The following ERP44 variants were observed in gnomAD, a reference collection of about 807,000 sequenced individuals.
ERP44 encodes the protein endoplasmic reticulum resident protein 44.
Under a neutral mutation model 53.4 loss-of-function variants are expected in ERP44, and 25 were observed. The ratio of observed to expected loss-of-function variants is 0.47; its 90% CI spans 0.34 to 0.65. ERP44 has a LOEUF of 0.65. Among genes scored for constraint, ERP44 ranks in the 30% least tolerant of loss-of-function variants. ERP44 has a pLI of 0.01. For missense variants in ERP44, 338 were observed against 493.2 expected (o/e 0.69, Z 2.98); for synonymous variants, 145 against 161.2 (o/e 0.90, Z 0.76).
At chr9:100,019,555 A>C (rs4742779) in intron 6 of ERP44, among the ~76,000 whole-genome samples, 69,089 of 151,880 alleles carry the variant, frequency 0.45, 17,253 homozygotes, top group East Asian at 0.9. Flanking sequence ...TGAGCCAATG[A>C]AAAGAGAAAT....
intron 1 of ERP44, among the ~76,000 whole-genome samples, chr9:100,090,247 A>G (rs1379731628): frequency 2.0e-5 from 3 of 152,216 alleles, no homozygotes; most frequent in African/African-American, 7.2e-5. Flanking sequence ...ATCACTGGCT[A>G]GCTGACATTT....
chr9:100,042,368 C>T (rs1825914077), intron 4 of ERP44, among the ~76,000 whole-genome samples: 3 of 152,182 alleles, frequency 2.0e-5, no homozygotes, highest in South Asian at 4.1e-4. Context: ...GATACTATCT[C>T]ACCCCAGTTA....
rs35674225 is a variant in ERP44 at position 100,024,152 on chromosome 9, TCAACAACAACAACAACAACAA to T, written c.287-1947_287-1927del. On this transcript the variant is annotated intron_variant, in intron 4 of 11. Transcript: ENST00000262455. ...CTGGGTGACAGAGTGAAACCCTGAC[TCAACAACAACAACAACAACAA>T]CAACAACAACAACAACAACAAAGTT... 4.3e-3 allele frequency among the ~76,000 whole-genome samples: 645 copies of T among 149,442 alleles called. 5 individuals carry two copies. Among genetic ancestry groups the T allele is most frequent in the African/African-American group, 0.015 (598 of 40,238 alleles).
intron 2 of ERP44, 47 bp downstream of exon 2, chr9:100,060,053 C>T: frequency 7.5e-7 from 1 of 1,327,560 alleles, no homozygotes; most frequent in Non-Finnish European, 9.8e-7. Flanking sequence ...TAAACTAACT[C>T]TCTATAGAGA....
At chr9:100,083,166 C>T (rs1826445987) in intron 1 of ERP44, among the ~76,000 whole-genome samples, 1 of 151,056 alleles carries the variant, frequency 6.6e-6, no homozygotes, top group Admixed American at 6.6e-5. Flanking sequence ...AGACAACATC[C>T]CAATAAAAAA....
intron 2 of ERP44, among the ~76,000 whole-genome samples, chr9:100,058,669 T>C (rs959825486): frequency 2.6e-5 from 4 of 152,204 alleles, no homozygotes; most frequent in African/African-American, 4.8e-5. Flanking sequence ...ATTTAAGTTA[T>C]TCCCCCCTAC....
chr9:100,055,527 G>A (rs1022316425), intron 3 of ERP44, among the ~76,000 whole-genome samples: 13 of 152,060 alleles, frequency 8.5e-5, no homozygotes, highest in African/African-American at 3.1e-4. Context: ...TGCCTGCCAC[G>A]TCCGGCTAAT....
At chr9:99,990,762 G>A (rs1830244714) in intron 10 of ERP44, among the ~76,000 whole-genome samples, 1 of 152,168 alleles carries the variant, frequency 6.6e-6, no homozygotes, top group Non-Finnish European at 1.5e-5. Context: ...GCTGTATTCA[G>A]GAGACCCATC....
At chr9:100,086,004 C>A (rs1246141397) in intron 1 of ERP44, among the ~76,000 whole-genome samples, 1 of 152,120 alleles carries the variant, frequency 6.6e-6, no homozygotes, top group Non-Finnish European at 1.5e-5. Context: ...TTACTAAATT[C>A]AACTAGAGAA....
intron 4 of ERP44, among the ~76,000 whole-genome samples, chr9:100,027,221 T>C (rs1386818422): frequency 6.6e-6 from 1 of 152,110 alleles, no homozygotes; most frequent in Non-Finnish European, 1.5e-5. Flanking sequence ...ATCACAAGAG[T>C]CTATTAACAA....
At chr9:100,045,042 C>G (rs1375222399) in intron 4 of ERP44, among the ~76,000 whole-genome samples, 1 of 152,154 alleles carries the variant, frequency 6.6e-6, no homozygotes, top group African/African-American at 2.4e-5. Flanking sequence ...GGGTTCCAGT[C>G]TGGCTCCCTC....
intron 6 of ERP44, among the ~76,000 whole-genome samples, chr9:100,018,871 C>A (rs1300627834): frequency 6.6e-6 from 1 of 152,036 alleles, no homozygotes; most frequent in Non-Finnish European, 1.5e-5. Context: ...GGGTGCTAAC[C>A]TAGATTGATA....
In ERP44 at chr9:100,089,432, T is replaced by G. The variant is rs938762656; in HGVS notation, c.57+9352A>C. Among the ~76,000 whole-genome samples, 5 of 151,774 alleles carry G rather than the reference T, an allele frequency of 3.3e-5. 1 individual carries two copies. Among genetic ancestry groups the G allele is most frequent in the Admixed American group, 3.3e-4 (5 of 15,238 alleles). On this transcript the variant is annotated intron_variant, in intron 1 of 11. Transcript: ENST00000262455. ...CCCAAATCTACTAAAAATACAAAAA[T>G]TAGCTGGGTGTAGTGGCGAGTGCCT...
At chr9:100,001,234 A>G (rs977383077) in intron 10 of ERP44, among the ~76,000 whole-genome samples, 1 of 152,162 alleles carries the variant, frequency 6.6e-6, no homozygotes, top group South Asian at 2.1e-4. Context: ...ATCTTCTTAA[A>G]TTTGGTAAGA....
chr9:100,036,071 C>T (rs1825846015), intron 4 of ERP44, among the ~76,000 whole-genome samples: 1 of 152,164 alleles, frequency 6.6e-6, no homozygotes, highest in African/African-American at 2.4e-5. Context: ...AATAAATTGT[C>T]CTACCAAAAG....
At chr9:100,045,639 G>A (rs1825957812) in intron 4 of ERP44, among the ~76,000 whole-genome samples, 1 of 152,162 alleles carries the variant, frequency 6.6e-6, no homozygotes, top group Non-Finnish European at 1.5e-5. Flanking sequence ...ATAATACTGT[G>A]ACTTTGGATA....
At chr9:100,014,703 AT>A (rs764398311) in intron 8 of ERP44, among the ~76,000 whole-genome samples, 10 of 152,216 alleles carry the variant, frequency 6.6e-5, no homozygotes, top group Non-Finnish European at 1.3e-4. Flanking sequence ...TTGTTTACAT[AT>A]TGTCTAAGGT....
rs771131207 is a variant in ERP44, at chr9:100,022,034, C to T, written c.471+8G>A. On this transcript the variant is annotated splice_region_variant and intron_variant, in intron 5 of 11. Coordinates refer to ENST00000262455, the MANE Select transcript of ERP44 (RefSeq NM_015051.3). ...TGTTTGTTTAATCTAGCAAAAGTTA[C>T]AACTTACATCAAGAGTGGTGATTTC... The T allele has an allele frequency of 6.2e-7, 1 of 1,604,682 alleles. No individual in the cohort carries two copies. Among genetic ancestry groups the T allele is most frequent in the South Asian group, 1.1e-5 (1 of 88,974 alleles).
chr9:100,047,318 A>G (rs1456750839), intron 4 of ERP44, among the ~76,000 whole-genome samples: 1 of 152,202 alleles, frequency 6.6e-6, no homozygotes, highest in African/African-American at 2.4e-5. Context: ...CCTGATTTCA[A>G]AACATACTGC....
Sources: allele counts gnomAD v4.1 joint callset (sites outside exome capture counted in the v4.1 genomes callset), GRCh38; gene constraint gnomAD v4.1.1; transcripts MANE v1.5; gene names NCBI Gene and HGNC (gene_info 2026-07-23, HGNC 2026-07-21).